TNRC18: variants seen among roughly 807,000 people sequenced by gnomAD.
The protein encoded by TNRC18 is trinucleotide repeat-containing gene 18 protein.
Under a neutral mutation model 226.7 loss-of-function variants are expected in TNRC18, and 69 were observed. The observed-to-expected ratio is 0.30, with a 90% CI of 0.25 to 0.37. The LOEUF is 0.37. Ranked by LOEUF, TNRC18 falls within the 10% of genes least tolerant of loss-of-function variation. TNRC18 has a pLI of 1.00. For synonymous variants in TNRC18, 2,449 were observed against 1,927.6 expected (o/e 1.27, Z -7.09); for missense variants, 4,754 against 4,256.6 (o/e 1.12, Z -3.25).
At chr7:5,412,055 A>T (rs1781876487) in intron 2 of TNRC18, among the ~76,000 whole-genome samples, 1 of 151,842 alleles carries the variant, frequency 6.6e-6, no homozygotes, top group Admixed American at 6.6e-5. Flanking sequence ...GGTGTGGTGG[A>T]ACGCACCTGT....
At chr7:5,361,869 C>T in intron 13 of TNRC18, 28 bp downstream of exon 13, 2 of 1,526,580 alleles carry the variant, frequency 1.3e-6, no homozygotes, top group Middle Eastern at 2.3e-4. Context: ...GGCAGGGGCC[C>T]CACGGGGCGG....
chr7:5,373,946 C>T (rs925728939), intron 10 of TNRC18, 109 bp downstream of exon 10: 43 of 879,098 alleles, frequency 4.9e-5, no homozygotes, highest in Non-Finnish European at 6.6e-5. Flanking sequence ...GGAGGTGCTC[C>T]GTGGAGGTGG....
At position 5,314,904 on chromosome 7, in the gene TNRC18, C is replaced by T. The variant is rs891251170; in HGVS notation, c.7027+80G>A. On this transcript the variant is annotated intron_variant, in intron 26 of 29. Coordinates refer to ENST00000430969, the MANE Select transcript of TNRC18 (RefSeq NM_001080495.3). The stretch of plus-strand genomic sequence containing the variant: ...TCTTACAGACAGCAGGCAGGCACTT[C>T]GGCAGGTTCCCAAGCCCTGAGTTTG... 8.4e-6 allele frequency: 12 copies of T among 1,436,412 alleles called. No individual in the cohort carries two copies. The African/African-American group carries it at 1.1e-4, about 14-fold the overall frequency. 89.0% of individuals were successfully genotyped at this position (1,436,412 alleles called of 1,614,324 possible). A position where few individuals can be genotyped will look rare whatever the true frequency, so the allele number is the denominator to read the frequency against.
At position 5,371,048 on chromosome 7, in the gene TNRC18, G is replaced by A. The variant is rs773309050; in HGVS notation, c.3546C>T (p.Pro1182=). Residue 1182 remains proline, a synonymous_variant, in exon 11 of 30, where the codon CCC becomes CCT. Coordinates refer to ENST00000430969, the MANE Select transcript of TNRC18 (RefSeq NM_001080495.3). The part of the protein sequence containing the change: ...LPPLESPLPL[P]AAEAMATPSP... ...TGGGGGTAGCCATGGCTTCCGCGGC[G>A]GGCAGTGGCAGCGGCGACTCCAGAG... The A allele has an allele frequency of 2.7e-5, 43 of 1,610,558 alleles. No individual in the cohort carries two copies. The highest frequency in any genetic ancestry group is 1.6e-4 in the African/African-American group (12 of 74,914).
chr7:5,316,532 G>T (rs1787869626), intron 24 of TNRC18, among the ~76,000 whole-genome samples: 1 of 152,066 alleles, frequency 6.6e-6, no homozygotes, highest in South Asian at 2.1e-4. Context: ...GCCCACCTCA[G>T]CCTCCCAAAG....
At position 5,363,268 on chromosome 7, in the gene TNRC18, A is replaced by G. The variant is rs565460429; in HGVS notation, c.4220-443T>C. On this transcript the variant is annotated intron_variant, in intron 11 of 29. Transcript: ENST00000430969. ...CAGTGAGCTGAGTTTGCACCACCGCATGCCAGCCTGAGCAACAGAGCAAGA... is the reference window on the plus strand; with the variant it reads ...CAGTGAGCTGAGTTTGCACCACCGCGTGCCAGCCTGAGCAACAGAGCAAGA... Among the ~76,000 whole-genome samples the G allele has an allele frequency of 6.0e-5, 9 of 151,172 alleles. No individual in the cohort carries two copies. The East Asian group carries it at 1.6e-3, about 26-fold the overall frequency.
intron 2 of TNRC18, among the ~76,000 whole-genome samples, chr7:5,399,359 ACTCACCCCAGTTATTAT>A (rs1382555697): frequency 6.6e-6 from 1 of 152,052 alleles, no homozygotes; most frequent in African/African-American, 2.4e-5. Context: ...GCTGCCGCCT[ACTCACCCCAGTTATTAT>A]CTCACCCGAC....
chr7:5,359,412 C>CGGA lies in TNRC18; in HGVS notation c.4818_4819insTCC (p.Ser1606dup). The CGGA allele has an allele frequency of 6.2e-7, 1 of 1,614,004 alleles. No homozygotes were observed. The highest frequency in any genetic ancestry group is 8.5e-7 in the Non-Finnish European group (1 of 1,179,886). ...GGGTTACTCACCTGACTGATGAAGTCCGACGAGGCCTCATGTTCATCCCAA... is the reference window on the plus strand; with the variant it reads ...GGGTTACTCACCTGACTGATGAAGTCGGACGACGAGGCCTCATGTTCATCCCAA... On this transcript the variant is annotated inframe_insertion, in exon 15 of 30. Coordinates refer to ENST00000430969, the MANE Select transcript of TNRC18 (RefSeq NM_001080495.3).
intron 18 of TNRC18, among the ~76,000 whole-genome samples, chr7:5,336,139 G>A (rs775714819): frequency 5.3e-5 from 8 of 151,242 alleles, no homozygotes; most frequent in Non-Finnish European, 1.0e-4. Context: ...CCCAGGAGGC[G>A]GAGGTTGCCA....
intron 18 of TNRC18, among the ~76,000 whole-genome samples, chr7:5,341,947 A>C (rs938712585): frequency 6.6e-6 from 1 of 152,234 alleles, no homozygotes; most frequent in African/African-American, 2.4e-5. Flanking sequence ...AGGGAGACGT[A>C]CAAGGAGATG....
At position 5,324,123 on chromosome 7, in the gene TNRC18, G is replaced by A. The variant is rs529957297; in HGVS notation, c.6442+91C>T. Reference sequence around the variant, plus strand: ...TGGTTCCCTGCCCCCAGCTAGCCCAGCCCTTCAGTCTCAAGCCTTGCTCAG... The same window carrying A: ...TGGTTCCCTGCCCCCAGCTAGCCCAACCCTTCAGTCTCAAGCCTTGCTCAG... On this transcript the variant is annotated intron_variant, in intron 21 of 29. Transcript: ENST00000430969. This position sits in a 1 kb window ranked among gnomAD's most constrained non-coding sequence, Gnocchi z 4.8. 5.9e-4 allele frequency: 822 copies of A among 1,400,386 alleles called. 7 individuals carry two copies. The highest frequency in any genetic ancestry group is 4.5e-3 in the Middle Eastern group (18 of 4,012). The allele number at this position is 1,400,386 out of a possible 1,614,324, so 86.7% of individuals were successfully genotyped here. A position where few individuals can be genotyped will look rare whatever the true frequency, so the allele number is the denominator to read the frequency against.
At position 5,374,155 on chromosome 7, in the gene TNRC18, CGGGGTGGGCGGTGGG is replaced by C. The variant is rs1794408038; in HGVS notation, c.3114_3128del (p.Pro1039_Pro1043del). 6 of 888,514 alleles carry C rather than the reference CGGGGTGGGCGGTGGG, an allele frequency of 6.8e-6. No homozygotes were observed. The highest frequency in any genetic ancestry group is 7.8e-6 in the Non-Finnish European group (6 of 767,338). 55.0% of individuals were successfully genotyped at this position (888,514 alleles called of 1,614,324 possible). A position where few individuals can be genotyped will look rare whatever the true frequency, so the allele number is the denominator to read the frequency against. On this transcript the variant is annotated inframe_deletion, in exon 10 of 30. Transcript: ENST00000430969. ...GAGCCTCCTCCTTGCGGGTGATACC[CGGGGTGGGCGGTGGG>C]GAGGCGGGCGGCGGGCTGGTGGGGT...
chr7:5,397,966 C>T (rs986596725), intron 2 of TNRC18, among the ~76,000 whole-genome samples: 2 of 152,206 alleles, frequency 1.3e-5, no homozygotes, highest in Admixed American at 1.3e-4. Flanking sequence ...CCAGGACATA[C>T]TTCTATTTGG....
intron 21 of TNRC18, among the ~76,000 whole-genome samples, chr7:5,323,491 C>A (rs771544785): frequency 1.3e-5 from 2 of 151,786 alleles, no homozygotes; most frequent in Non-Finnish European, 2.9e-5. Context: ...CCCACTCTCG[C>A]CTGGACAGCA....
intron 19 of TNRC18, 53 bp from the exon 20 acceptor site, chr7:5,325,301 C>A: frequency 6.5e-7 from 1 of 1,532,310 alleles, no homozygotes; most frequent in Non-Finnish European, 8.7e-7. Context: ...AAAGCACAGG[C>A]AGCACCCCTG....
chr7:5,322,849 G>C (rs1455638956), intron 21 of TNRC18, among the ~76,000 whole-genome samples: 14 of 152,228 alleles, frequency 9.2e-5, no homozygotes, highest in Admixed American at 5.9e-4. Flanking sequence ...CCTGCCTGTG[G>C]CCTTGTCACT....
rs1358054312 is a variant in TNRC18, at chr7:5,374,852, C to T, written c.2800-368G>A. Among the ~76,000 whole-genome samples the T allele has an allele frequency of 3.3e-5, 5 of 152,222 alleles. No homozygotes were observed. In the East Asian group the frequency reaches 9.6e-4, roughly 29 times the overall value. On this transcript the variant is annotated intron_variant, in intron 9 of 29. Transcript: ENST00000430969. Reference sequence around the variant, plus strand: ...CCCCACACCTCGATGGCATTGGGCGCACTCACTACCTGCTAAACCTTCCTG... The same window carrying T: ...CCCCACACCTCGATGGCATTGGGCGTACTCACTACCTGCTAAACCTTCCTG...
rs11766794 is a variant in TNRC18 at position 5,376,243 on chromosome 7, T to C, written c.2609-19A>G. 244,788 of 1,459,124 alleles carry C rather than the reference T, an allele frequency of 0.17. 22,974 individuals carry two copies. The highest frequency in any genetic ancestry group is 0.22 in the Middle Eastern group (1,188 of 5,518). 90.4% of individuals were successfully genotyped at this position (1,459,124 alleles called of 1,614,324 possible). A position where few individuals can be genotyped will look rare whatever the true frequency, so the allele number is the denominator to read the frequency against. ...AGCTCCGCTGCAGGGACAGAGACAGTGCGCTGCACCTGCGGCCTGATGCTC... is the reference window on the plus strand; with the variant it reads ...AGCTCCGCTGCAGGGACAGAGACAGCGCGCTGCACCTGCGGCCTGATGCTC... On this transcript the variant is annotated intron_variant, in intron 8 of 29. Coordinates refer to ENST00000430969, the MANE Select transcript of TNRC18 (RefSeq NM_001080495.3).
At chr7:5,310,008 G>A (rs542323645) in intron 27 of TNRC18, among the ~76,000 whole-genome samples, 2 of 152,214 alleles carry the variant, frequency 1.3e-5, no homozygotes, top group East Asian at 3.9e-4. Context: ...GATCTCCTGG[G>A]CTCAAGCCAT....
Sources: allele counts gnomAD v4.1 joint callset (sites outside exome capture counted in the v4.1 genomes callset), GRCh38; gene constraint gnomAD v4.1.1; non-coding constraint Gnocchi (gnomAD v3.1); transcripts MANE v1.5; gene names NCBI Gene and HGNC (gene_info 2026-07-23, HGNC 2026-07-21).